Variants in ZSCAN30 observed in about 807,000 individuals in gnomAD.
The protein encoded by ZSCAN30 is zinc finger and SCAN domain-containing protein 30.
In ZSCAN30, 37 loss-of-function variants were observed where a neutral mutation model predicts 44.3. The ratio of observed to expected loss-of-function variants is 0.84; its 90% CI spans 0.64 to 1.10. The LOEUF (loss-of-function observed/expected upper bound fraction) is 1.10. Ranked by LOEUF, ZSCAN30 falls within the 50% of genes least tolerant of loss-of-function variation. ZSCAN30 has a pLI of 0.00. For synonymous variants in ZSCAN30, 181 were observed against 204.6 expected, an observed-to-expected ratio of 0.88 and a Z score of 0.98; for missense variants, 549 against 582.6, an observed-to-expected ratio of 0.94 and a Z score of 0.59.
chr18:35,270,989 G>C (rs187698872), intron 1 of ZSCAN30, among the ~76,000 whole-genome samples: 1 of 152,044 alleles, frequency 6.6e-6, no homozygotes, highest in African/African-American at 2.4e-5. Context: ...CCTTCCTCCC[G>C]TCCGGAGTTG....
chr18:35,276,512 A>G (rs1598646734), intron 1 of ZSCAN30, among the ~76,000 whole-genome samples: 4 of 152,282 alleles, frequency 2.6e-5, no homozygotes. Context: ...GTTGCCCTGC[A>G]TCCTAGCCGC....
At chr18:35,257,433 G>A in intron 3 of ZSCAN30, 1 of 156,366 alleles carries the variant, frequency 6.4e-6, no homozygotes, top group Non-Finnish European at 1.4e-5. Flanking sequence ...CCTTTGGAAG[G>A]TGACTAGGTC....
chr18:35,280,383 G>GA (rs1307288523), intron 1 of ZSCAN30, among the ~76,000 whole-genome samples: 59 of 150,944 alleles, frequency 3.9e-4, no homozygotes, highest in Non-Finnish European at 7.1e-4. Flanking sequence ...AACACTTACT[G>GA]AAAAAAAAGA....
chr18:35,276,834 AC>A (rs1202822926), intron 1 of ZSCAN30, among the ~76,000 whole-genome samples: 1 of 152,022 alleles, frequency 6.6e-6, no homozygotes, highest in Non-Finnish European at 1.5e-5. Context: ...TGAGAAGAGG[AC>A]CTCTGTCCTC....
chr18:35,256,590 T>C (rs1332240210), intron 3 of ZSCAN30, among the ~76,000 whole-genome samples: 1 of 152,012 alleles, frequency 6.6e-6, no homozygotes, highest in Non-Finnish European at 1.5e-5. Flanking sequence ...GGTCACTTGA[T>C]TATTCAGAAA....
At chr18:35,289,093 G>A (rs2044606029) in intron 1 of ZSCAN30, among the ~76,000 whole-genome samples, 1 of 151,818 alleles carries the variant, frequency 6.6e-6, no homozygotes, top group South Asian at 2.1e-4. Context: ...CTCCTGACTC[G>A]GCCTCCCAAG....
chr18:35,260,419 T>C (rs1598620740), intron 3 of ZSCAN30: 4 of 152,322 alleles, frequency 2.6e-5, no homozygotes. Context: ...TGGTTCTAGG[T>C]CTTTGAGGAA....
At chr18:35,264,885 G>A (rs1306070282) in intron 1 of ZSCAN30, among the ~76,000 whole-genome samples, 1 of 152,074 alleles carries the variant, frequency 6.6e-6, no homozygotes, top group Non-Finnish European at 1.5e-5. Context: ...GGTGGCTCAC[G>A]CCTGTAATCC....
At chr18:35,263,466 T>C (rs1273769393) in intron 3 of ZSCAN30, 47 bp downstream of exon 3, 1 of 1,608,328 alleles carries the variant, frequency 6.2e-7, no homozygotes, top group South Asian at 1.1e-5. Context: ...CCACAGTTGA[T>C]AGCTCTCACC....
At chr18:35,281,408 G>A (rs1321023084) in intron 1 of ZSCAN30, 1 of 152,074 alleles carries the variant, frequency 6.6e-6, no homozygotes, top group Non-Finnish European at 1.5e-5. Flanking sequence ...CAACATCTCT[G>A]GCAACACTCC....
chr18:35,258,426 C>A, intron 3 of ZSCAN30: 1 of 161,942 alleles, frequency 6.2e-6, no homozygotes, highest in Non-Finnish European at 1.3e-5. Flanking sequence ...TATTTTAAAT[C>A]AATCAGATTC....
chr18:35,263,414 A>T, intron 3 of ZSCAN30, 99 bp downstream of exon 3: 1 of 1,473,610 alleles, frequency 6.8e-7, no homozygotes, highest in Non-Finnish European at 9.4e-7. Flanking sequence ...CACAATACTT[A>T]GTGATAGCCA....
chr18:35,260,363 T>C (rs1181700782), intron 3 of ZSCAN30: 2 of 152,232 alleles, frequency 1.3e-5, no homozygotes, highest in Admixed American at 1.3e-4. Flanking sequence ...TTATATTCCT[T>C]TCAGTATATA....
At chr18:35,268,763 T>C (rs1248981852) in intron 1 of ZSCAN30, 1 of 152,204 alleles carries the variant, frequency 6.6e-6, no homozygotes, top group Admixed American at 6.5e-5. Flanking sequence ...CTTTTGAGAA[T>C]TGTGATACTG....
In ZSCAN30 at chr18:35,263,579, G is replaced by T. The variant is rs1383820243; in HGVS notation, c.487C>A (p.Pro163Thr). ...CACTGGTTCTCTAAGGGCTGCACCG[G>T]GCTATTCAGAGACAGAGACTTCAGT... ...GALKSLSLNS[P>T]VQPLENQCKT... Residue 163 changes from proline (P) to threonine (T), a missense_variant, in exon 3 of 4, where the codon CCG becomes ACG. Physicochemically the swap from Pro to Thr is conservative, Grantham distance 38. Coordinates refer to ENST00000333206, the MANE Select transcript of ZSCAN30 (RefSeq NM_001112734.4). 3 of 1,614,176 alleles carry T rather than the reference G, an allele frequency of 1.9e-6. No homozygotes were observed. Among genetic ancestry groups the T allele is most frequent in the Non-Finnish European group, 2.5e-6 (3 of 1,180,036 alleles).
chr18:35,263,779 A>C, intron 2 of ZSCAN30, 122 bp from the exon 3 acceptor site: 1 of 1,387,234 alleles, frequency 7.2e-7, no homozygotes, highest in Non-Finnish European at 9.8e-7. Context: ...GAAAAAAAAC[A>C]GGACCTTAAG....
intron 1 of ZSCAN30, chr18:35,285,247 A>G (rs1484264857): frequency 6.7e-6 from 1 of 149,042 alleles, no homozygotes; most frequent in Admixed American, 6.8e-5. Flanking sequence ...GCTTCAAAAT[A>G]CATAAAATTA....
intron 1 of ZSCAN30, among the ~76,000 whole-genome samples, chr18:35,271,417 C>T (rs1243843742): frequency 6.6e-6 from 1 of 152,054 alleles, no homozygotes; most frequent in Admixed American, 6.5e-5. Flanking sequence ...ATTAGCTAGA[C>T]AAAGAGCACT....
intron 1 of ZSCAN30, among the ~76,000 whole-genome samples, chr18:35,273,595 T>C (rs1422339366): frequency 1.3e-5 from 2 of 152,252 alleles, no homozygotes; most frequent in East Asian, 1.9e-4. Context: ...GTTTTCCCAG[T>C]ATCATTTCAT....
Sources: gnomAD v4.1 joint callset for allele counts (sites outside exome capture counted in the v4.1 genomes callset) on GRCh38, gnomAD v4.1.1 for gene constraint, MANE v1.5 for transcripts, NCBI Gene and HGNC (gene_info 2026-07-23, HGNC 2026-07-21) for gene names.